SPAG16: variants seen among roughly 807,000 people sequenced by gnomAD.
SPAG16 encodes sperm-associated antigen 16 protein.
A neutral mutation model predicts 80.4 loss-of-function variants in SPAG16; 86 were observed. The ratio of observed to expected loss-of-function variants is 1.07; its 90% CI spans 0.90 to 1.28. The LOEUF (loss-of-function observed/expected upper bound fraction) is 1.28, where lower values mean the gene tolerates loss of function less well. SPAG16 is among the 50% of genes most tolerant of loss of function. The pLI is 0.00. For synonymous variants in SPAG16, 294 were observed against 265.9 expected (o/e 1.11, Z -1.03); for missense variants, 870 against 765.3 (o/e 1.14, Z -1.61).
At chr2:214,174,481 T>C (rs1380320164) in intron 15 of SPAG16, among the ~76,000 whole-genome samples, 3 of 152,054 alleles carry the variant, frequency 2.0e-5, no homozygotes. Flanking sequence ...CCATTCACAA[T>C]TGCTTCAAAG....
intron 9 of SPAG16, among the ~76,000 whole-genome samples, chr2:213,447,125 A>G (rs1008049736): frequency 2.0e-5 from 3 of 152,150 alleles, no homozygotes; most frequent in Non-Finnish European, 4.4e-5. Flanking sequence ...TTAGTAATAG[A>G]CTGGGCACCA....
At chr2:213,777,830 C>T (rs986526630) in intron 10 of SPAG16, among the ~76,000 whole-genome samples, 1 of 152,136 alleles carries the variant, frequency 6.6e-6, no homozygotes, top group Non-Finnish European at 1.5e-5. Flanking sequence ...AGCCACTGGG[C>T]CTGGCCTGTA....
chr2:214,391,787 T>C (rs73089262), intron 15 of SPAG16, among the ~76,000 whole-genome samples: 34,304 of 152,052 alleles, frequency 0.23, 5,844 homozygotes, highest in African/African-American at 0.48. Context: ...AAGAATGAAG[T>C]TTGGATCTGA....
At position 213,284,503 on chromosome 2, in the gene SPAG16, T is replaced by G; in HGVS notation, c.20T>G (p.Met7Arg). 4 of 1,575,358 alleles carry G rather than the reference T, an allele frequency of 2.5e-6. No homozygotes were observed. Among genetic ancestry groups the G allele is most frequent in the Non-Finnish European group, 3.4e-6 (4 of 1,160,746 alleles). Residue 7 changes from methionine to arginine, a missense_variant, in exon 1 of 16, where the codon ATG (methionine) becomes AGG (arginine). Met to Arg is a moderately conservative substitution (Grantham distance 91, BLOSUM62 -1). Coordinates refer to ENST00000331683, the MANE Select transcript of SPAG16 (RefSeq NM_024532.5). ...CCAGAGATGGCTGCTCAGCGAGGGATGCCCAGCTCCGCCGTGAGGGTCCTG... is the reference window on the plus strand; with the variant it reads ...CCAGAGATGGCTGCTCAGCGAGGGAGGCCCAGCTCCGCCGTGAGGGTCCTG... The part of the protein sequence containing the change: MAAQRG[M>R]PSSAVRVLEE...
chr2:213,694,776 T>C (rs2065090535), intron 10 of SPAG16, among the ~76,000 whole-genome samples: 1 of 150,336 alleles, frequency 6.7e-6, no homozygotes, highest in African/African-American at 2.4e-5. Context: ...CTTTTCCTTC[T>C]TTCCTTCCTT....
chr2:213,546,443 T>TTA, intron 10 of SPAG16, among the ~76,000 whole-genome samples: 1 of 152,300 alleles, frequency 6.6e-6, no homozygotes, highest in African/African-American at 2.4e-5. Flanking sequence ...AGTGCTCAGA[T>TTA]TAGTCTCTGA....
intron 9 of SPAG16, among the ~76,000 whole-genome samples, chr2:213,420,512 G>A (rs2069520298): frequency 6.6e-6 from 1 of 152,224 alleles, no homozygotes; most frequent in Non-Finnish European, 1.5e-5. Flanking sequence ...CACTCTGAAA[G>A]TCAAAGGCCA....
chr2:214,316,056 C>G (rs758631650), intron 15 of SPAG16, among the ~76,000 whole-genome samples: 1 of 151,724 alleles, frequency 6.6e-6, no homozygotes, highest in Non-Finnish European at 1.5e-5. Flanking sequence ...ATTTTTCAGT[C>G]TTCTGTATAA....
chr2:214,002,339 T>A (rs1009814342), intron 12 of SPAG16, among the ~76,000 whole-genome samples: 2 of 151,834 alleles, frequency 1.3e-5, no homozygotes, highest in Non-Finnish European at 2.9e-5. Context: ...GGATTAAAAA[T>A]AAATAAAAAA....
At chr2:213,990,245 T>C (rs1349959555) in intron 12 of SPAG16, among the ~76,000 whole-genome samples, 2 of 152,134 alleles carry the variant, frequency 1.3e-5, no homozygotes, top group African/African-American at 4.8e-5. Context: ...TATCTAAATA[T>C]GGGTGCTAAA....
chr2:213,724,003 A>T lies in SPAG16; in HGVS notation c.1071-138482A>T, dbSNP rs868028747. 4.6e-5 allele frequency among the ~76,000 whole-genome samples: 7 copies of T among 152,324 alleles called. No homozygotes were observed. The South Asian group carries it at 6.2e-4, about 14-fold the overall frequency. On this transcript the variant is annotated intron_variant, in intron 10 of 15. Transcript: ENST00000331683. ...GGGTGAGAGAGAGAAAGAAAGATAA[A>T]CCACAGGCACATTGCTTTAACTTCT... is the stretch of plus-strand genomic sequence containing the variant.
At chr2:214,046,128 A>G (rs554679082) in intron 13 of SPAG16, among the ~76,000 whole-genome samples, 16 of 152,340 alleles carry the variant, frequency 1.1e-4, no homozygotes, top group African/African-American at 3.6e-4. Context: ...CTAGACACAT[A>G]CAACCTACCA....
chr2:214,169,006 CTAAG>C (rs2125627804), intron 15 of SPAG16, among the ~76,000 whole-genome samples: 1 of 152,166 alleles, frequency 6.6e-6, no homozygotes, highest in African/African-American at 2.4e-5. Context: ...GTTTCCAAAA[CTAAG>C]TCATTATGAT....
chr2:213,458,496 C>T (rs2072167414), intron 9 of SPAG16, among the ~76,000 whole-genome samples: 1 of 152,130 alleles, frequency 6.6e-6, no homozygotes, highest in South Asian at 2.1e-4. Context: ...CGCTTGAATC[C>T]AGGAGGCGGA....
chr2:213,826,180 G>A (rs1043075519), intron 10 of SPAG16, among the ~76,000 whole-genome samples: 3 of 151,102 alleles, frequency 2.0e-5, no homozygotes, highest in East Asian at 1.9e-4. Context: ...TGTTAACTTC[G>A]TTTATCTTTC....
At position 214,038,431 on chromosome 2, in the gene SPAG16, T is replaced by C. The variant is rs1035157979; in HGVS notation, c.1527+24354T>C. Among the ~76,000 whole-genome samples, 260 of 138,206 alleles carry C rather than the reference T, an allele frequency of 1.9e-3. 2 individuals carry two copies. Among genetic ancestry groups the C allele is most frequent in the African/African-American group, 6.9e-3 (252 of 36,510 alleles). The allele number at this position is 138,206 out of a possible 152,430, so 90.7% of individuals were successfully genotyped here. On this transcript the variant is annotated intron_variant, in intron 13 of 15. Coordinates refer to ENST00000331683, the MANE Select transcript of SPAG16 (RefSeq NM_024532.5). ...ACTATGTAGCATATAACATAAAATATTATTACTCCACTCTCAACTTTATCT... is the reference window on the plus strand; with the variant it reads ...ACTATGTAGCATATAACATAAAATACTATTACTCCACTCTCAACTTTATCT...
chr2:214,328,415 G>A (rs567995903), intron 15 of SPAG16, among the ~76,000 whole-genome samples: 6 of 152,132 alleles, frequency 3.9e-5, no homozygotes, highest in East Asian at 1.9e-4. Context: ...CACCCGCCTC[G>A]GCCTCCCAAA....
chr2:213,836,176 G>GCC (rs34179878), intron 10 of SPAG16, among the ~76,000 whole-genome samples: 2,163 of 128,304 alleles, frequency 0.017, 36 homozygotes, highest in South Asian at 0.022. Flanking sequence ...TTCATTATTC[G>GCC]CCCCCCCCCC....
At chr2:214,340,828 G>A (rs1041030332) in intron 15 of SPAG16, among the ~76,000 whole-genome samples, 1 of 152,090 alleles carries the variant, frequency 6.6e-6, no homozygotes, top group Non-Finnish European at 1.5e-5. Flanking sequence ...GCCCCACTGG[G>A]TTTTCATCTC....
Sources: gnomAD v4.1 joint callset for allele counts (sites outside exome capture counted in the v4.1 genomes callset) on GRCh38, gnomAD v4.1.1 for gene constraint, MANE v1.5 for transcripts, NCBI Gene and HGNC (gene_info 2026-07-23, HGNC 2026-07-21) for gene names.